Variants in LDLRAD4 observed in about 807,000 individuals in gnomAD.
LDLRAD4 encodes the protein low-density lipoprotein receptor class A domain-containing protein 4.
A neutral mutation model predicts 17.0 loss-of-function variants in LDLRAD4; 5 were observed. The observed-to-expected ratio is 0.29, with a 90% CI of 0.15 to 0.62. The LOEUF (loss-of-function observed/expected upper bound fraction) is 0.62, where lower values mean the gene tolerates loss of function less well. Ranked by LOEUF, LDLRAD4 falls within the 20% of genes least tolerant of loss-of-function variation. The pLI, the probability that LDLRAD4 is intolerant of heterozygous loss-of-function variation, is 0.84. For missense variants in LDLRAD4, 340 were observed against 424.7 expected (o/e 0.80, Z 1.75); for synonymous variants, 168 against 171.8 (o/e 0.98, Z 0.17).
At chr18:13,324,943 G>A (rs141907827) in intron 1 of LDLRAD4, among the ~76,000 whole-genome samples, 176 of 152,298 alleles carry the variant, frequency 1.2e-3, no homozygotes, top group African/African-American at 4.0e-3. Flanking sequence ...GTAGAGGGAC[G>A]TCAATTACGC....
At chr18:13,378,603 G>A (rs1287515329) in intron 1 of LDLRAD4, among the ~76,000 whole-genome samples, 1 of 151,938 alleles carries the variant, frequency 6.6e-6, no homozygotes, top group Admixed American at 6.5e-5. Flanking sequence ...ATTTCAGTAT[G>A]AAAACATGAA....
intron 3 of LDLRAD4, chr18:13,542,389 T>C (rs1271967845): frequency 6.6e-6 from 1 of 152,312 alleles, no homozygotes; most frequent in Non-Finnish European, 1.5e-5. Flanking sequence ...CATGCCTCCG[T>C]GCTTGCGCGT....
At chr18:13,266,977 A>T (rs2044256535) in intron 1 of LDLRAD4, among the ~76,000 whole-genome samples, 1 of 152,230 alleles carries the variant, frequency 6.6e-6, no homozygotes, top group Non-Finnish European at 1.5e-5. Context: ...CTCTTTGTGA[A>T]AGAACAGCAT....
At chr18:13,399,732 T>G (rs1006579198) in intron 2 of LDLRAD4, among the ~76,000 whole-genome samples, 1 of 152,238 alleles carries the variant, frequency 6.6e-6, no homozygotes. Flanking sequence ...ATTATCGGAA[T>G]TCCTGCTGTA....
At chr18:13,619,989 G>A (rs961002484) in intron 3 of LDLRAD4, among the ~76,000 whole-genome samples, 4 of 151,970 alleles carry the variant, frequency 2.6e-5, no homozygotes, top group Admixed American at 6.5e-5. Flanking sequence ...GTGGGGGTCT[G>A]AGGGTGGAAG....
At chr18:13,642,199 GCT>G in intron 4 of LDLRAD4, 1 of 985,730 alleles carries the variant, frequency 1.0e-6, no homozygotes, top group Non-Finnish European at 1.2e-6. Flanking sequence ...CAAACGCGGG[GCT>G]CGGTGTTTCT....
intron 1 of LDLRAD4, among the ~76,000 whole-genome samples, chr18:13,353,971 G>A (rs2083192427): frequency 6.6e-6 from 1 of 152,140 alleles, no homozygotes; most frequent in Non-Finnish European, 1.5e-5. Flanking sequence ...CTGCTATTTT[G>A]CTGATGTCAC....
intron 3 of LDLRAD4, among the ~76,000 whole-genome samples, chr18:13,469,972 T>TTA (rs1413825001): frequency 2.0e-5 from 3 of 152,192 alleles, no homozygotes; most frequent in African/African-American, 7.2e-5. Context: ...GCAACATTTG[T>TTA]TATATATATT....
intron 3 of LDLRAD4, among the ~76,000 whole-genome samples, chr18:13,477,715 A>T (rs4796986): frequency 0.95 from 144,225 of 152,242 alleles, 68,618 homozygotes; most frequent in Non-Finnish European, 1. Context: ...TAAGTGCTTA[A>T]GTGACCCCGC....
At chr18:13,409,915 A>G (rs1327138725) in intron 2 of LDLRAD4, among the ~76,000 whole-genome samples, 2 of 152,172 alleles carry the variant, frequency 1.3e-5, no homozygotes, top group East Asian at 3.8e-4. Flanking sequence ...GTAGGTTTAG[A>G]GTGAAGGAAA....
Position 13,645,129 on chromosome 18 carries a change from C to T in LDLRAD4, c.393C>T (p.Ile131=), listed in dbSNP as rs779064375. 6 of 1,603,096 alleles carry T rather than the reference C, an allele frequency of 3.7e-6. No individual in the cohort carries two copies. The Admixed American group carries it at 6.7e-5, about 18-fold the overall frequency. ...AGCCTCTCCTCTTTTCCTTCCAGATCATGCATGCCCCGCGGTCCAGGGACA... is the reference window on the plus strand; with the variant it reads ...AGCCTCTCCTCTTTTCCTTCCAGATTATGCATGCCCCGCGGTCCAGGGACA... The change falls in exon 6 of 6, where the codon ATC becomes ATT. Residue 131 remains isoleucine (I), a splice_region_variant and synonymous_variant. Transcript: ENST00000359446. This position sits in a 1 kb window ranked among gnomAD's most constrained non-coding sequence, Gnocchi z 5.7.
At chr18:13,240,683 G>T (rs192567732) in intron 1 of LDLRAD4, 2 of 152,396 alleles carry the variant, frequency 1.3e-5, no homozygotes, top group African/African-American at 2.4e-5. Flanking sequence ...CTAATGGACT[G>T]TGCAGGCATC....
intron 1 of LDLRAD4, among the ~76,000 whole-genome samples, chr18:13,228,288 C>T (rs1567909386): frequency 6.6e-6 from 1 of 152,108 alleles, no homozygotes; most frequent in Non-Finnish European, 1.5e-5. Context: ...TTGGGGAGTA[C>T]GCCTCTGCCA....
chr18:13,390,299 G>A (rs940514066), intron 2 of LDLRAD4, among the ~76,000 whole-genome samples: 5 of 152,212 alleles, frequency 3.3e-5, no homozygotes, highest in African/African-American at 1.2e-4. Flanking sequence ...ACAGTGTGCC[G>A]GGAGCCGTGC....
intron 1 of LDLRAD4, among the ~76,000 whole-genome samples, chr18:13,290,363 G>A (rs1396989885): frequency 1.3e-5 from 2 of 152,104 alleles, no homozygotes; most frequent in Admixed American, 1.3e-4. Context: ...TCCATTAATC[G>A]TTGTTTATAT....
chr18:13,260,078 A>ATAG (rs1481159808), intron 1 of LDLRAD4, among the ~76,000 whole-genome samples: 1 of 152,226 alleles, frequency 6.6e-6, no homozygotes, highest in Non-Finnish European at 1.5e-5. Context: ...ATTTTGTAGG[A>ATAG]TAGTAGGTGC....
At chr18:13,380,489 G>A (rs536239743) in intron 1 of LDLRAD4, among the ~76,000 whole-genome samples, 3 of 152,252 alleles carry the variant, frequency 2.0e-5, no homozygotes, top group Admixed American at 1.3e-4. Context: ...CCTCTGGATC[G>A]CCTCCTCCAC....
intron 3 of LDLRAD4, among the ~76,000 whole-genome samples, chr18:13,555,672 T>C (rs1449634299): frequency 1.3e-5 from 2 of 152,178 alleles, no homozygotes; most frequent in Non-Finnish European, 2.9e-5. Context: ...GGTTTTTGAG[T>C]TGAAAAATTA....
intron 2 of LDLRAD4, among the ~76,000 whole-genome samples, chr18:13,399,269 G>T (rs576899748): frequency 6.6e-6 from 1 of 152,268 alleles, no homozygotes; most frequent in South Asian, 2.1e-4. Flanking sequence ...ACAGTGATGT[G>T]TTTATACACA....
Sources: allele counts gnomAD v4.1 joint callset (sites outside exome capture counted in the v4.1 genomes callset), GRCh38; gene constraint gnomAD v4.1.1; non-coding constraint Gnocchi (gnomAD v3.1); transcripts MANE v1.5; gene names NCBI Gene and HGNC (gene_info 2026-07-23, HGNC 2026-07-21).